The following CHMP2B variants were observed in gnomAD, a reference collection of about 807,000 sequenced individuals.
The protein encoded by CHMP2B is VPS2 homolog B.
Under a neutral mutation model 29.8 loss-of-function variants are expected in CHMP2B, and 22 were observed. The observed-to-expected ratio is 0.74, with a 90% CI of 0.53 to 1.05. The LOEUF is 1.05. CHMP2B is among the 50% of genes least tolerant of loss of function. The probability of loss-of-function intolerance (pLI) is 0.00; values close to 1 mark genes in which losing one functional copy is unlikely to be tolerated. For missense variants in CHMP2B, 261 were observed against 252.2 expected, an observed-to-expected ratio of 1.03 and a Z score of -0.24; for synonymous variants, 78 against 75.8, an observed-to-expected ratio of 1.03 and a Z score of -0.15.
chr3:87,243,288 AT>A (rs926678198), intron 2 of CHMP2B, among the ~76,000 whole-genome samples: 16 of 151,668 alleles, frequency 1.1e-4, no homozygotes, highest in Admixed American at 3.3e-4. Flanking sequence ...GTAATGATGT[AT>A]TTTTTTTAAT....
intron 1 of CHMP2B, among the ~76,000 whole-genome samples, chr3:87,235,499 T>G (rs1469677506): frequency 2.0e-5 from 3 of 152,214 alleles, no homozygotes; most frequent in African/African-American, 7.2e-5. Context: ...TAAATATTAA[T>G]AGGCCTATTA....
chr3:87,248,522 A>G (rs190790641), intron 3 of CHMP2B, among the ~76,000 whole-genome samples: 101 of 151,634 alleles, frequency 6.7e-4, no homozygotes, highest in Non-Finnish European at 1.2e-3. Flanking sequence ...ATGCCTGGCT[A>G]ATTTTTGTAT....
chr3:87,246,096 T>G (rs1559609276), intron 3 of CHMP2B, among the ~76,000 whole-genome samples, 188 bp downstream of exon 3: 1 of 152,090 alleles, frequency 6.6e-6, no homozygotes, highest in Non-Finnish European at 1.5e-5. Context: ...TTGATATGTT[T>G]TAATACAAAA....
At position 87,245,819 on chromosome 3, in the gene CHMP2B, G is replaced by A. The variant is rs1176368248; in HGVS notation, c.232G>A (p.Val78Ile). ...LRKQKTRTFA[V>I]SSKVTSMSTQ... ...GAAACAGAAGACGAGAACTTTTGCTGTAAGTTCAAAAGTTACTTCTATGTC... is the reference window on the plus strand; with the variant it reads ...GAAACAGAAGACGAGAACTTTTGCTATAAGTTCAAAAGTTACTTCTATGTC... The change falls in exon 3 of 6, where the codon GTA (valine) becomes ATA (isoleucine). Residue 78 changes from valine to isoleucine, a missense_variant. Physicochemically the swap from Val to Ile is conservative, Grantham distance 29. Transcript: ENST00000263780. 1 of 1,613,670 alleles carries A rather than the reference G, an allele frequency of 6.2e-7. No homozygotes were observed.
chr3:87,244,416 C>G (rs1349922322), intron 2 of CHMP2B, among the ~76,000 whole-genome samples: 1 of 149,456 alleles, frequency 6.7e-6, no homozygotes, highest in African/African-American at 2.5e-5. Context: ...CTTCTTTTTT[C>G]TATGTTATGT....
chr3:87,250,083 C>G (rs779384071), intron 4 of CHMP2B, 106 bp downstream of exon 4: 1 of 680,470 alleles, frequency 1.5e-6, no homozygotes, highest in Non-Finnish European at 2.5e-6. Context: ...AATGATGAAA[C>G]CAAAGATGAT....
chr3:87,248,228 G>T (rs1706251475), intron 3 of CHMP2B, among the ~76,000 whole-genome samples: 1 of 151,828 alleles, frequency 6.6e-6, no homozygotes, highest in South Asian at 2.1e-4. Context: ...AACCTGAGAG[G>T]CAGAGGTTGC....
chr3:87,227,554 A>G lies in CHMP2B; in HGVS notation c.32A>G (p.Asp11Gly), dbSNP rs921275036. 3 of 1,614,094 alleles carry G rather than the reference A, an allele frequency of 1.9e-6. No homozygotes were observed. The highest frequency in any genetic ancestry group is 1.3e-5 in the African/African-American group (1 of 75,020). ...TCCCTCTTCAAGAAGAAAACCGTGG[A>G]TGGTGAGTTCCAGGCCGGGCTGAAG... is the stretch of plus-strand genomic sequence containing the variant. The part of the protein sequence containing the change: MASLFKKKTV[D>G]DVIKEQNREL... The change falls in exon 1 of 6, where the codon GAT becomes GGT. Residue 11 changes from aspartate to glycine, a missense_variant and splice_region_variant. Coordinates refer to ENST00000263780, the MANE Select transcript of CHMP2B (RefSeq NM_014043.4).
At chr3:87,247,623 C>T (rs1425871299) in intron 3 of CHMP2B, among the ~76,000 whole-genome samples, 2 of 152,184 alleles carry the variant, frequency 1.3e-5, no homozygotes, top group African/African-American at 2.4e-5. Context: ...AGCATTAAAA[C>T]ACTGCAGGTA....
In CHMP2B at chr3:87,255,142, G is replaced by A. The variant is rs1706381927; in HGVS notation, c.*1320G>A. ...GTAACCTGGTTAATTTGGGATGGTG[G>A]ACATTTTGGGCTAATACTGACAAAA... On this transcript the variant is annotated 3_prime_UTR_variant, in exon 6 of 6. Coordinates refer to ENST00000263780, the MANE Select transcript of CHMP2B (RefSeq NM_014043.4). 6.6e-6 allele frequency: 1 copy of A among 152,006 alleles called. No individual in the cohort carries two copies. Among genetic ancestry groups the A allele is most frequent in the Non-Finnish European group, 1.5e-5 (1 of 67,910 alleles). 9.4% of individuals were successfully genotyped at this position (152,006 alleles called of 1,614,324 possible).
chr3:87,253,930 G>A lies in CHMP2B; in HGVS notation c.*108G>A. 8.5e-6 allele frequency: 6 copies of A among 709,504 alleles called. No homozygotes were observed. The highest frequency in any genetic ancestry group is 1.4e-5 in the Non-Finnish European group (6 of 417,148). The allele number at this position is 709,504 out of a possible 1,614,324, so 44.0% of individuals were successfully genotyped here. A position where few individuals can be genotyped will look rare whatever the true frequency, so the allele number is the denominator to read the frequency against. ...TGTATTTTGCAAAAAAAAAAAAAAT[G>A]AAGACCATGAGTGAACAGTTGTTTC... On this transcript the variant is annotated 3_prime_UTR_variant, in exon 6 of 6. Transcript: ENST00000263780.
At chr3:87,238,189 ATAAAGATTT>A (rs1559606747) in intron 1 of CHMP2B, among the ~76,000 whole-genome samples, 1 of 152,226 alleles carries the variant, frequency 6.6e-6, no homozygotes, top group African/African-American at 2.4e-5. Flanking sequence ...CCTAAAAAAG[ATAAAGATTT>A]TTGGCTTTGA....
chr3:87,240,220 A>G, intron 1 of CHMP2B: 1 of 153,990 alleles, frequency 6.5e-6, no homozygotes, highest in Admixed American at 6.4e-5. Flanking sequence ...ATTAATATTT[A>G]TAATTCAGGT....
chr3:87,236,076 A>G (rs1183377664), intron 1 of CHMP2B, among the ~76,000 whole-genome samples: 1 of 152,170 alleles, frequency 6.6e-6, no homozygotes, highest in Admixed American at 6.5e-5. Flanking sequence ...CCATCTTCCT[A>G]GCATATCAGT....
chr3:87,233,839 G>T (rs182798214), intron 1 of CHMP2B, among the ~76,000 whole-genome samples: 1 of 152,248 alleles, frequency 6.6e-6, no homozygotes, highest in Admixed American at 6.5e-5. Context: ...AGATAAAAAT[G>T]TATTTTCTCA....
intron 1 of CHMP2B, among the ~76,000 whole-genome samples, chr3:87,232,214 G>C (rs907927425): frequency 6.6e-6 from 1 of 152,120 alleles, no homozygotes; most frequent in South Asian, 2.1e-4. Context: ...GATGATATTT[G>C]TATATGCTAG....
At chr3:87,250,466 A>G (rs1218652465) in intron 4 of CHMP2B, among the ~76,000 whole-genome samples, 1 of 151,880 alleles carries the variant, frequency 6.6e-6, no homozygotes, top group African/African-American at 2.4e-5. Flanking sequence ...TTACCACAGC[A>G]CTCAGATGTA....
Position 87,253,407 on chromosome 3 carries a change from A to T in CHMP2B, c.428A>T (p.Asn143Ile). 1 of 1,593,062 alleles carries T rather than the reference A, an allele frequency of 6.3e-7. No individual in the cohort carries two copies. Among genetic ancestry groups the T allele is most frequent in the Non-Finnish European group, 8.6e-7 (1 of 1,161,172 alleles). ...MKMEMTEEMINDTLDDIFDGS... is the reference protein window; with the variant it reads ...MKMEMTEEMIIDTLDDIFDGS... Reference sequence around the variant, plus strand: ...CTCCTTCTCCCATATCCCCTAGTCAATGATACACTTGATGACATCTTTGAC... The same window carrying T: ...CTCCTTCTCCCATATCCCCTAGTCATTGATACACTTGATGACATCTTTGAC... The change falls in exon 5 of 6, where the codon AAT (asparagine) becomes ATT (isoleucine). Residue 143 changes from asparagine (N) to isoleucine (I), a missense_variant. Coordinates refer to ENST00000263780, the MANE Select transcript of CHMP2B (RefSeq NM_014043.4).
At chr3:87,242,508 A>G (rs1293610957) in intron 2 of CHMP2B, among the ~76,000 whole-genome samples, 1 of 152,124 alleles carries the variant, frequency 6.6e-6, no homozygotes, top group Non-Finnish European at 1.5e-5. Flanking sequence ...TTAGTGTACT[A>G]CTTAACTTTT....
Sources: allele counts gnomAD v4.1 joint callset (sites outside exome capture counted in the v4.1 genomes callset), GRCh38; gene constraint gnomAD v4.1.1; transcripts MANE v1.5; gene names NCBI Gene and HGNC (gene_info 2026-07-23, HGNC 2026-07-21).